The following GNPAT variants were observed in gnomAD, a reference collection of about 807,000 sequenced individuals.
GNPAT encodes the protein glyceronephosphate O-acyltransferase, also known as dihydroxyacetone phosphate acyltransferase.
In GNPAT, 30 loss-of-function variants were observed where a neutral mutation model predicts 78.4. The ratio of observed to expected loss-of-function variants is 0.38; its 90% confidence interval spans 0.29 to 0.52. The LOEUF (loss-of-function observed/expected upper bound fraction) is 0.52. GNPAT is among the 20% of genes least tolerant of loss of function. The pLI, the probability that GNPAT is intolerant of heterozygous loss-of-function variation, is 0.84. For missense variants in GNPAT, 714 were observed against 812.2 expected (o/e 0.88, Z 1.47); for synonymous variants, 271 against 281.1 (o/e 0.96, Z 0.36).
rs1368967984 is a variant in GNPAT at position 231,267,822 on chromosome 1, A to G, written c.1198A>G (p.Met400Val). 1.3e-5 allele frequency: 21 copies of G among 1,613,918 alleles called. No homozygotes were observed. The highest frequency in any genetic ancestry group is 1.7e-5 in the Non-Finnish European group (20 of 1,179,792). ...TGTTCTGCTTCAGAACCGGCCATCC[A>G]TGGACTTTGATGCTCTGGTGGAAAA... ...VAVLLQNRPS[M>V]DFDALVEKTL... The change falls in exon 9 of 16, where the codon ATG becomes GTG. Residue 400 changes from methionine (M) to valine (V), a missense_variant. Coordinates refer to ENST00000366647, the MANE Select transcript of GNPAT (RefSeq NM_014236.4).
chr1:231,269,342 A>G (rs1685484988), intron 9 of GNPAT, among the ~76,000 whole-genome samples: 1 of 152,160 alleles, frequency 6.6e-6, no homozygotes, highest in African/African-American at 2.4e-5. Context: ...CAGTGATATT[A>G]AAGTGTTGGC....
chr1:231,256,326 G>C (rs1385182328), intron 2 of GNPAT, among the ~76,000 whole-genome samples: 1 of 150,876 alleles, frequency 6.6e-6, no homozygotes, highest in Non-Finnish European at 1.5e-5. Flanking sequence ...AGGTGTCTAA[G>C]ATATATTACC....
chr1:231,264,356 T>G (rs1373042495), intron 4 of GNPAT, among the ~76,000 whole-genome samples: 1 of 152,232 alleles, frequency 6.6e-6, no homozygotes, highest in African/African-American at 2.4e-5. Flanking sequence ...ATTTCATAAT[T>G]TAGTAGTTTT....
chr1:231,277,753 T>C lies in GNPAT; in HGVS notation c.*211T>C, dbSNP rs1331294175. The stretch of plus-strand genomic sequence containing the variant: ...GTTAAAAGGCGTTTGTATCTGACAC[T>C]ATGTGTGTGTTTTAAAATAAACTTT... On this transcript the variant is annotated 3_prime_UTR_variant, in exon 16 of 16. Transcript: ENST00000366647. 1 of 536,312 alleles carries C rather than the reference T, an allele frequency of 1.9e-6. No homozygotes were observed. Among genetic ancestry groups the C allele is most frequent in the Non-Finnish European group, 3.3e-6 (1 of 299,330 alleles). 33.2% of individuals were successfully genotyped at this position (536,312 alleles called of 1,614,324 possible).
chr1:231,241,217 C>A lies in GNPAT; in HGVS notation c.-162C>A. On this transcript the variant is annotated 5_prime_UTR_variant, in exon 1 of 16. It adds an upstream start codon to the 5' untranslated region. Coordinates refer to ENST00000366647, the MANE Select transcript of GNPAT (RefSeq NM_014236.4). ...TGCAGGGCCCTGCGCGGCTTCCGTC[C>A]TGGCTGAGATGGCGGCGCCCGGGAT... 2 of 1,540,896 alleles carry A rather than the reference C, an allele frequency of 1.3e-6. No homozygotes were observed. Among genetic ancestry groups the A allele is most frequent in the Non-Finnish European group, 1.8e-6 (2 of 1,118,082 alleles).
chr1:231,275,606 A>G, intron 14 of GNPAT, 108 bp downstream of exon 14: 1 of 754,440 alleles, frequency 1.3e-6, no homozygotes, highest in Non-Finnish European at 2.4e-6. Flanking sequence ...GAAATGCTAT[A>G]TTCTACTTTC....
chr1:231,252,063 A>G (rs1684914758), intron 2 of GNPAT, among the ~76,000 whole-genome samples: 1 of 152,232 alleles, frequency 6.6e-6, no homozygotes, highest in Non-Finnish European at 1.5e-5. Context: ...GTACAGTGCA[A>G]AGATGTTGAA....
intron 2 of GNPAT, among the ~76,000 whole-genome samples, chr1:231,256,851 C>G (rs1685083036): frequency 6.6e-6 from 1 of 152,194 alleles, no homozygotes; most frequent in South Asian, 2.1e-4. Context: ...CTTTCTAACT[C>G]AGTCTGCCTT....
intron 2 of GNPAT, among the ~76,000 whole-genome samples, chr1:231,256,782 G>A (rs1285112056): frequency 2.6e-5 from 4 of 152,092 alleles, no homozygotes; most frequent in Non-Finnish European, 4.4e-5. Context: ...CACTGCGCCC[G>A]GCCAATTTTC....
intron 3 of GNPAT, 152 bp downstream of exon 3, chr1:231,260,835 G>A (rs1685203655): frequency 3.1e-6 from 2 of 641,870 alleles, no homozygotes; most frequent in East Asian, 2.7e-5. Flanking sequence ...TAATCATCAG[G>A]CCTCCAGTCT....
At chr1:231,263,054 C>T (rs1685268575) in intron 4 of GNPAT, among the ~76,000 whole-genome samples, 1 of 152,178 alleles carries the variant, frequency 6.6e-6, no homozygotes, top group African/African-American at 2.4e-5. Context: ...TTCATGCACA[C>T]AGGGTTCTTT....
At chr1:231,258,068 G>A (rs900954189) in intron 2 of GNPAT, among the ~76,000 whole-genome samples, 1 of 152,122 alleles carries the variant, frequency 6.6e-6, no homozygotes, top group Non-Finnish European at 1.5e-5. Context: ...TGTGTTTCCT[G>A]AAATTCATCC....
At chr1:231,276,728 C>T (rs1402826626) in intron 15 of GNPAT, among the ~76,000 whole-genome samples, 2 of 152,182 alleles carry the variant, frequency 1.3e-5, no homozygotes, top group Admixed American at 6.6e-5. Context: ...TCTTCCTTGA[C>T]ATAAGAGTCC....
At chr1:231,258,000 G>A (rs1251969645) in intron 2 of GNPAT, among the ~76,000 whole-genome samples, 1 of 152,068 alleles carries the variant, frequency 6.6e-6, no homozygotes, top group Admixed American at 6.6e-5. Context: ...GTTTGGCTCT[G>A]TACCATCTCT....
At chr1:231,260,307 T>G (rs1011956130) in intron 2 of GNPAT, among the ~76,000 whole-genome samples, 200 bp from the exon 3 acceptor site, 7 of 152,220 alleles carry the variant, frequency 4.6e-5, no homozygotes, top group Non-Finnish European at 1.0e-4. Flanking sequence ...ATTTTTCTTT[T>G]AATTTCTGGC....
At chr1:231,256,377 C>T (rs1181335197) in intron 2 of GNPAT, among the ~76,000 whole-genome samples, 10 of 152,042 alleles carry the variant, frequency 6.6e-5, no homozygotes, top group Admixed American at 6.6e-4. Flanking sequence ...AGGAATGGCC[C>T]CTCCATGCAC....
chr1:231,276,765 A>G (rs1408602664), intron 15 of GNPAT, among the ~76,000 whole-genome samples: 1 of 152,228 alleles, frequency 6.6e-6, no homozygotes, highest in Non-Finnish European at 1.5e-5. Context: ...ACAGAGGTAC[A>G]ATCAGAGGGG....
Position 231,265,278 on chromosome 1 carries a change from T to A in GNPAT, c.569-15T>A, listed in dbSNP as rs1558333880. 1 of 1,588,206 alleles carries A rather than the reference T, an allele frequency of 6.3e-7. No individual in the cohort carries two copies. The highest frequency in any genetic ancestry group is 1.3e-5 in the African/African-American group (1 of 74,594). On this transcript the variant is annotated splice_polypyrimidine_tract_variant and intron_variant, in intron 4 of 15. Coordinates refer to ENST00000366647, the MANE Select transcript of GNPAT (RefSeq NM_014236.4). Reference sequence around the variant, plus strand: ...TTTCAAGATCTGCAAATAAATATTATCCCCTCTTTTTTAGACTTCCTGGGA... The same window carrying A: ...TTTCAAGATCTGCAAATAAATATTAACCCCTCTTTTTTAGACTTCCTGGGA...
intron 2 of GNPAT, among the ~76,000 whole-genome samples, chr1:231,256,777 C>T (rs944903867): frequency 6.6e-5 from 10 of 152,168 alleles, no homozygotes; most frequent in African/African-American, 1.9e-4. Flanking sequence ...TGAGCCACTG[C>T]GCCCGGCCAA....
Sources: gnomAD v4.1 joint callset for allele counts (sites outside exome capture counted in the v4.1 genomes callset) on GRCh38, gnomAD v4.1.1 for gene constraint, MANE v1.5 for transcripts, NCBI Gene and HGNC (gene_info 2026-07-23, HGNC 2026-07-21) for gene names.